Variants in DACH1 observed in about 807,000 individuals in gnomAD.
DACH1 encodes dachshund homolog 1.
In DACH1, 12 loss-of-function variants were observed where a neutral mutation model predicts 54.2. That is an observed-to-expected ratio of 0.22 (90% confidence interval 0.14 to 0.36). The LOEUF is 0.36. Among genes scored for constraint, DACH1 ranks in the 10% least tolerant of loss-of-function variants. The pLI is 1.00. For missense variants in DACH1, 805 were observed against 929.8 expected, an observed-to-expected ratio of 0.87 and a Z score of 1.75; for synonymous variants, 386 against 366.2, an observed-to-expected ratio of 1.05 and a Z score of -0.62.
At chr13:71,440,741 C>T in intron 10 of DACH1, 49 bp from the exon 11 acceptor site, 1 of 1,398,236 alleles carries the variant, frequency 7.2e-7, no homozygotes, top group Non-Finnish European at 9.9e-7. Flanking sequence ...ATTTGGGGTA[C>T]AAATGTGCAT....
At chr13:71,690,469 G>T (rs755073505) in intron 1 of DACH1, among the ~76,000 whole-genome samples, 1 of 152,052 alleles carries the variant, frequency 6.6e-6, no homozygotes, top group Non-Finnish European at 1.5e-5. Flanking sequence ...TTACAATTAT[G>T]TGCAAAAGCT....
intron 2 of DACH1, among the ~76,000 whole-genome samples, chr13:71,636,941 C>G (rs1340186673): frequency 6.6e-6 from 1 of 152,024 alleles, no homozygotes; most frequent in African/African-American, 2.4e-5. Flanking sequence ...TAAAAATGGG[C>G]TATTGTTAAA....
chr13:71,723,993 T>C (rs1883359483), intron 1 of DACH1, among the ~76,000 whole-genome samples: 1 of 152,118 alleles, frequency 6.6e-6, no homozygotes, highest in Non-Finnish European at 1.5e-5. Flanking sequence ...ACCTGGCCTG[T>C]TTTGTATTTT....
intron 3 of DACH1, among the ~76,000 whole-genome samples, chr13:71,579,681 T>A (rs73521270): frequency 3.3e-5 from 5 of 152,230 alleles, no homozygotes; most frequent in African/African-American, 1.2e-4. Flanking sequence ...TAACAATGCT[T>A]CATGTATTTT....
chr13:71,702,231 A>C (rs1420461417), intron 1 of DACH1, among the ~76,000 whole-genome samples: 1 of 152,196 alleles, frequency 6.6e-6, no homozygotes, highest in Non-Finnish European at 1.5e-5. Context: ...TATCATTTTT[A>C]TATAAACTTC....
chr13:71,834,432 C>G (rs1195692206), intron 1 of DACH1, among the ~76,000 whole-genome samples: 1 of 151,906 alleles, frequency 6.6e-6, no homozygotes, highest in Non-Finnish European at 1.5e-5. Context: ...AAGTAAGACC[C>G]CAAATATCTA....
At chr13:71,733,353 T>C (rs1335509608) in intron 1 of DACH1, among the ~76,000 whole-genome samples, 1 of 152,056 alleles carries the variant, frequency 6.6e-6, no homozygotes, top group Non-Finnish European at 1.5e-5. Flanking sequence ...TGTTTGTTTG[T>C]TTGTGTTTTG....
At chr13:71,604,494 G>T (rs1874735025) in intron 3 of DACH1, among the ~76,000 whole-genome samples, 1 of 151,858 alleles carries the variant, frequency 6.6e-6, no homozygotes, top group Non-Finnish European at 1.5e-5. Context: ...CAGAAGAATG[G>T]ACAATTTCTC....
intron 2 of DACH1, among the ~76,000 whole-genome samples, chr13:71,678,863 T>C (rs1010333196): frequency 2.6e-5 from 4 of 152,096 alleles, no homozygotes; most frequent in African/African-American, 9.7e-5. Context: ...CCTTGCTATG[T>C]TGCCCAGGCT....
intron 1 of DACH1, among the ~76,000 whole-genome samples, chr13:71,796,330 T>A (rs1887049175): frequency 6.6e-6 from 1 of 152,152 alleles, no homozygotes; most frequent in South Asian, 2.1e-4. Flanking sequence ...GAATTATTCC[T>A]TATAGATCAA....
At chr13:71,703,321 C>T (rs1036643797) in intron 1 of DACH1, among the ~76,000 whole-genome samples, 2 of 152,152 alleles carry the variant, frequency 1.3e-5, no homozygotes, top group Admixed American at 6.5e-5. Flanking sequence ...GACATGTGAG[C>T]AGATGTGACA....
In DACH1 at chr13:71,518,540, A is replaced by G. The variant is rs574983346; in HGVS notation, c.1571-29392T>C. Among the ~76,000 whole-genome samples the G allele has an allele frequency of 2.6e-4, 39 of 152,038 alleles. 1 individual carries two copies. The South Asian group carries it at 7.9e-3, about 31-fold the overall frequency. ...AAGTATCATTTCATGTGTCTTTTAT[A>G]GCAATTCCATTAGGTATGAGATGAT... On this transcript the variant is annotated intron_variant, in intron 6 of 10. Coordinates refer to ENST00000613252, the MANE Select transcript of DACH1 (RefSeq NM_080759.6).
At chr13:71,498,397 C>T (rs1230457820) in intron 6 of DACH1, among the ~76,000 whole-genome samples, 1 of 152,124 alleles carries the variant, frequency 6.6e-6, no homozygotes, top group African/African-American at 2.4e-5. Context: ...ATAGTCTTTG[C>T]CTGTCCCAGG....
At chr13:71,852,228 G>A (rs1412712404) in intron 1 of DACH1, among the ~76,000 whole-genome samples, 6 of 152,162 alleles carry the variant, frequency 3.9e-5, no homozygotes, top group Admixed American at 1.3e-4. Flanking sequence ...GCTTAACAAA[G>A]GCTGGAGTCC....
intron 1 of DACH1, among the ~76,000 whole-genome samples, chr13:71,748,916 CTT>C (rs1459004725): frequency 2.8e-4 from 11 of 38,828 alleles, no homozygotes; most frequent in African/African-American, 5.9e-4. Context: ...TTCTTTCTTT[CTT>C]TCTTTCTTTC....
At chr13:71,633,903 C>T (rs1877284442) in intron 2 of DACH1, among the ~76,000 whole-genome samples, 1 of 151,980 alleles carries the variant, frequency 6.6e-6, no homozygotes, top group African/African-American at 2.4e-5. Flanking sequence ...CCCCCATCTC[C>T]AATCTCTTAC....
intron 2 of DACH1, among the ~76,000 whole-genome samples, chr13:71,659,786 A>G (rs904045126): frequency 4.6e-5 from 7 of 152,114 alleles, no homozygotes; most frequent in African/African-American, 1.7e-4. Flanking sequence ...TTCCTGCTTT[A>G]AGACTGGACT....
intron 3 of DACH1, among the ~76,000 whole-genome samples, chr13:71,605,045 A>T (rs1874774801): frequency 6.6e-6 from 1 of 151,996 alleles, no homozygotes; most frequent in African/African-American, 2.4e-5. Context: ...AAATCACTAT[A>T]GATGCAGTTC....
At chr13:71,721,903 C>A (rs767085883) in intron 1 of DACH1, among the ~76,000 whole-genome samples, 1 of 151,888 alleles carries the variant, frequency 6.6e-6, no homozygotes, top group Non-Finnish European at 1.5e-5. Flanking sequence ...TGAATATATA[C>A]CTGAAGCTTT....
Sources: gnomAD v4.1 joint callset for allele counts (sites outside exome capture counted in the v4.1 genomes callset) on GRCh38, gnomAD v4.1.1 for gene constraint, MANE v1.5 for transcripts, NCBI Gene and HGNC (gene_info 2026-07-23, HGNC 2026-07-21) for gene names.